CDH4: variants seen among roughly 807,000 people sequenced by gnomAD.
CDH4 encodes the protein cadherin-4.
Under a neutral mutation model 86.0 loss-of-function variants are expected in CDH4, and 33 were observed. That is an observed-to-expected ratio of 0.38 (90% CI 0.29 to 0.51). The LOEUF is 0.51. Ranked by LOEUF, CDH4 falls within the 20% of genes least tolerant of loss-of-function variation. The pLI is 0.86. For missense variants in CDH4, 1,114 were observed against 1,307.4 expected, an observed-to-expected ratio of 0.85 and a Z score of 2.28; for synonymous variants, 555 against 549.4, an observed-to-expected ratio of 1.01 and a Z score of -0.14.
chr20:61,279,763 G>A (rs1349344629), intron 2 of CDH4, among the ~76,000 whole-genome samples: 5 of 152,194 alleles, frequency 3.3e-5, no homozygotes, highest in Admixed American at 1.3e-4. Context: ...ATTTTGTGAC[G>A]TTCTGTGCAC....
chr20:61,799,754 G>C (rs1364512258), intron 4 of CDH4, among the ~76,000 whole-genome samples: 1 of 152,184 alleles, frequency 6.6e-6, no homozygotes, highest in Non-Finnish European at 1.5e-5. Flanking sequence ...GCTCCTGGGT[G>C]GGCAGGGCGT....
At chr20:61,677,695 A>G (rs6089469) in intron 2 of CDH4, among the ~76,000 whole-genome samples, 86,858 of 145,532 alleles carry the variant, frequency 0.6, 26,342 homozygotes, top group African/African-American at 0.66. Flanking sequence ...ACGGACGGAC[A>G]GACGGACGGA....
chr20:61,893,165 T>G (rs1313569107), intron 7 of CDH4, among the ~76,000 whole-genome samples: 1 of 35,460 alleles, frequency 2.8e-5, no homozygotes, highest in African/African-American at 1.1e-4. Context: ...AATAGAGGGA[T>G]GGTGGTTGGG....
intron 2 of CDH4, among the ~76,000 whole-genome samples, chr20:61,467,291 A>G (rs904202698): frequency 6.6e-6 from 1 of 152,244 alleles, no homozygotes; most frequent in African/African-American, 2.4e-5. Context: ...CCACATTTCA[A>G]TTCACCACAA....
intron 2 of CDH4, among the ~76,000 whole-genome samples, chr20:61,523,187 G>A (rs1032432142): frequency 2.6e-5 from 4 of 152,186 alleles, no homozygotes; most frequent in African/African-American, 7.2e-5. Flanking sequence ...ATGCCAGAAC[G>A]GTGCCTCAGT....
At chr20:61,307,382 A>G (rs4812298) in intron 2 of CDH4, among the ~76,000 whole-genome samples, 121,334 of 151,842 alleles carry the variant, frequency 0.8, 48,851 homozygotes, top group Non-Finnish European at 0.86. Flanking sequence ...AACACATTGC[A>G]TGTGTCATTA....
At chr20:61,538,121 T>A (rs1428920086) in intron 2 of CDH4, among the ~76,000 whole-genome samples, 1 of 152,176 alleles carries the variant, frequency 6.6e-6, no homozygotes, top group African/African-American at 2.4e-5. Context: ...AGAGGCCAAG[T>A]TCAAGTCCAC....
intron 3 of CDH4, among the ~76,000 whole-genome samples, chr20:61,767,608 G>A (rs984198622): frequency 6.6e-6 from 1 of 152,232 alleles, no homozygotes; most frequent in Non-Finnish European, 1.5e-5. Flanking sequence ...CTGGAGGCCA[G>A]AGTGGGCGCT....
At position 61,344,628 on chromosome 20, in the gene CDH4, G is replaced by T. The variant is rs77935685; in HGVS notation, c.169+89691G>T. On this transcript the variant is annotated intron_variant, in intron 2 of 15. Transcript: ENST00000614565. ...TCTTCACTAAGAGGTAAGCCATTGTGTTTCCCTGTTGCTCATTAATTTAGA... is the reference window on the plus strand; with the variant it reads ...TCTTCACTAAGAGGTAAGCCATTGTTTTTCCCTGTTGCTCATTAATTTAGA... Among the ~76,000 whole-genome samples the T allele has an allele frequency of 7.2e-3, 1,094 of 152,284 alleles. 19 individuals are homozygous for T. Among genetic ancestry groups the T allele is most frequent in the South Asian group, 0.053 (256 of 4,830 alleles).
intron 2 of CDH4, among the ~76,000 whole-genome samples, chr20:61,300,028 G>A (rs909145467): frequency 2.6e-5 from 4 of 152,126 alleles, no homozygotes; most frequent in Non-Finnish European, 5.9e-5. Context: ...TTAGGGAATC[G>A]TGTGTATTTC....
Position 61,810,915 on chromosome 20 carries a change from C to T in CDH4, c.577-33753C>T, listed in dbSNP as rs539691202. The stretch of plus-strand genomic sequence containing the variant: ...ATGGCCGCTCCAGGAAGCTTCGAGA[C>T]GGGGGCTGCAGGAGCCTGCAGAGCC... On this transcript the variant is annotated intron_variant, in intron 4 of 15. Transcript: ENST00000614565. The surrounding 1 kb of genome is among the most constrained non-coding windows in gnomAD (Gnocchi z 4.3). 1.1e-4 allele frequency among the ~76,000 whole-genome samples: 16 copies of T among 152,286 alleles called. No individual in the cohort carries two copies. The South Asian group carries it at 2.5e-3, about 24-fold the overall frequency.
intron 2 of CDH4, among the ~76,000 whole-genome samples, chr20:61,439,154 T>C (rs534742069): frequency 3.3e-5 from 5 of 152,306 alleles, no homozygotes; most frequent in African/African-American, 1.2e-4. Flanking sequence ...GTCAAAACAA[T>C]CTTGGTGCTT....
At chr20:61,415,406 TTA>T (rs1400480942) in intron 2 of CDH4, among the ~76,000 whole-genome samples, 1 of 152,212 alleles carries the variant, frequency 6.6e-6, no homozygotes, top group Non-Finnish European at 1.5e-5. Flanking sequence ...TAACCATTTT[TTA>T]TGTGTACAGT....
intron 2 of CDH4, among the ~76,000 whole-genome samples, chr20:61,358,460 T>C (rs913343779): frequency 2.0e-5 from 3 of 152,224 alleles, no homozygotes; most frequent in African/African-American, 7.2e-5. Flanking sequence ...AGAGCGAACA[T>C]TTCATAAATA....
At chr20:61,507,511 C>T (rs1426263987) in intron 2 of CDH4, among the ~76,000 whole-genome samples, 1 of 152,092 alleles carries the variant, frequency 6.6e-6, no homozygotes, top group Admixed American at 6.5e-5. Flanking sequence ...TAAGTAAAAC[C>T]CACAGTACAG....
chr20:61,833,053 C>T (rs912565918), intron 4 of CDH4, among the ~76,000 whole-genome samples: 7 of 152,070 alleles, frequency 4.6e-5, no homozygotes, highest in African/African-American at 1.7e-4. Flanking sequence ...CTGAGAGCCC[C>T]GTCAGAATGG....
At position 61,899,529 on chromosome 20, in the gene CDH4, G is replaced by A. The variant is rs1048905696; in HGVS notation, c.1188+4482G>A. 7.9e-5 allele frequency among the ~76,000 whole-genome samples: 12 copies of A among 152,136 alleles called. No homozygotes were observed. The East Asian group carries it at 1.6e-3, about 20-fold the overall frequency. Reference sequence around the variant, plus strand: ...TGCAACCTCCGCCTCCTGGGTTCACGCCATTCTCCTACCTCAGCCTCCCGA... The same window carrying A: ...TGCAACCTCCGCCTCCTGGGTTCACACCATTCTCCTACCTCAGCCTCCCGA... On this transcript the variant is annotated intron_variant, in intron 8 of 15. Coordinates refer to ENST00000614565, the MANE Select transcript of CDH4 (RefSeq NM_001794.5).
At chr20:61,570,603 G>C in intron 2 of CDH4, 1 of 698,558 alleles carries the variant, frequency 1.4e-6, no homozygotes, top group African/African-American at 1.7e-5. Flanking sequence ...CCCTTTAAAG[G>C]GTCCTGGTGT....
chr20:61,718,829 G>A (rs531955701), intron 2 of CDH4: 1 of 471,174 alleles, frequency 2.1e-6, no homozygotes, highest in African/African-American at 2.0e-5. Context: ...CGGGCTCCCA[G>A]CGACAGCTGG....
Sources: allele counts gnomAD v4.1 joint callset (sites outside exome capture counted in the v4.1 genomes callset), GRCh38; gene constraint gnomAD v4.1.1; non-coding constraint Gnocchi (gnomAD v3.1); transcripts MANE v1.5; gene names NCBI Gene and HGNC (gene_info 2026-07-23, HGNC 2026-07-21).